The following NXPH2 variants were observed in gnomAD, a reference collection of about 807,000 sequenced individuals.
NXPH2 encodes the protein neurexophilin 2, also known as neurexophilin-2.
Under a neutral mutation model 19.8 loss-of-function variants are expected in NXPH2, and 5 were observed. The ratio of observed to expected loss-of-function variants is 0.25; its 90% CI spans 0.13 to 0.53. NXPH2 has a LOEUF of 0.53. Among genes scored for constraint, NXPH2 ranks in the 20% least tolerant of loss-of-function variants. The probability of loss-of-function intolerance (pLI) is 0.96; values close to 1 mark genes in which losing one functional copy is unlikely to be tolerated. For missense variants in NXPH2, 289 were observed against 322.8 expected (o/e 0.90, Z 0.80); for synonymous variants, 154 against 127.4 (o/e 1.21, Z -1.41).
At chr2:138,727,071 A>G (rs932684056) in intron 1 of NXPH2, among the ~76,000 whole-genome samples, 5 of 152,264 alleles carry the variant, frequency 3.3e-5, no homozygotes, top group Admixed American at 6.5e-5. Context: ...ACTTAGTAAT[A>G]TGCATTTAAG....
chr2:138,702,059 T>C (rs981748460), intron 1 of NXPH2, among the ~76,000 whole-genome samples: 7 of 152,144 alleles, frequency 4.6e-5, no homozygotes, highest in Admixed American at 2.6e-4. Flanking sequence ...AGAGACTGTT[T>C]CTTTTTATTT....
chr2:138,743,600 A>G (rs909146362), intron 1 of NXPH2, among the ~76,000 whole-genome samples: 1 of 152,194 alleles, frequency 6.6e-6, no homozygotes, highest in Admixed American at 6.5e-5. Flanking sequence ...AAGACTAGAT[A>G]GCAGTGATGA....
intron 1 of NXPH2, among the ~76,000 whole-genome samples, chr2:138,713,167 C>T (rs905981733): frequency 6.6e-6 from 1 of 152,194 alleles, no homozygotes; most frequent in Non-Finnish European, 1.5e-5. Flanking sequence ...ATCTACTTCC[C>T]CACTGCCGAT....
chr2:138,690,930 G>A (rs1329362158), intron 1 of NXPH2, among the ~76,000 whole-genome samples: 3 of 152,222 alleles, frequency 2.0e-5, no homozygotes, highest in Non-Finnish European at 4.4e-5. Flanking sequence ...TTTAGATTGG[G>A]TGGCCAAAGA....
chr2:138,730,331 AT>A (rs1681428331), intron 1 of NXPH2, among the ~76,000 whole-genome samples: 1 of 151,956 alleles, frequency 6.6e-6, no homozygotes, highest in Non-Finnish European at 1.5e-5. Context: ...AGTAATTGGG[AT>A]TACAGGTGTA....
At chr2:138,691,111 G>C (rs1680738741) in intron 1 of NXPH2, among the ~76,000 whole-genome samples, 1 of 152,198 alleles carries the variant, frequency 6.6e-6, no homozygotes, top group South Asian at 2.1e-4. Flanking sequence ...TGGAGAAAGG[G>C]CACAAGGTGA....
intron 1 of NXPH2, among the ~76,000 whole-genome samples, chr2:138,758,262 T>C (rs1681946409): frequency 6.6e-6 from 1 of 152,090 alleles, no homozygotes. Flanking sequence ...TACTATTAAA[T>C]AGTATTACTG....
intron 1 of NXPH2, among the ~76,000 whole-genome samples, chr2:138,767,879 C>T (rs1380648680): frequency 6.6e-6 from 1 of 151,946 alleles, no homozygotes; most frequent in Non-Finnish European, 1.5e-5. Flanking sequence ...CTCTGTGTCT[C>T]TTCACACTTC....
At chr2:138,737,809 G>C (rs1166553550) in intron 1 of NXPH2, among the ~76,000 whole-genome samples, 1 of 152,086 alleles carries the variant, frequency 6.6e-6, no homozygotes, top group African/African-American at 2.4e-5. Context: ...ATTACATAGT[G>C]TGCCATCCTT....
rs947019783 is a variant in NXPH2, at chr2:138,704,834, T to C, written c.52-33169A>G. On this transcript the variant is annotated intron_variant, in intron 1 of 1. Coordinates refer to ENST00000272641, the MANE Select transcript of NXPH2 (RefSeq NM_007226.3). ...ACCACGCCCAGCTAATTTTTTTTTTTTTTTTTTGAGATGGAGTTTCATTCT... is the reference window on the plus strand; with the variant it reads ...ACCACGCCCAGCTAATTTTTTTTTTCTTTTTTTGAGATGGAGTTTCATTCT... Among the ~76,000 whole-genome samples, 21 of 151,882 alleles carry C rather than the reference T, an allele frequency of 1.4e-4. 1 individual carries two copies. In the East Asian group the frequency reaches 2.7e-3, roughly 20 times the overall value.
intron 1 of NXPH2, among the ~76,000 whole-genome samples, chr2:138,753,915 C>T (rs1226938316): frequency 6.6e-6 from 1 of 152,110 alleles, no homozygotes; most frequent in Non-Finnish European, 1.5e-5. Context: ...TTTACAGACT[C>T]CACTCATCAT....
In NXPH2 at chr2:138,669,498, T is replaced by C. The variant is rs1469342782; in HGVS notation, c.*1424A>G. On this transcript the variant is annotated 3_prime_UTR_variant, in exon 2 of 2. Transcript: ENST00000272641. ...GAAATGAAGATAGAGAACAGAGCTC[T>C]TGGTTTTTTGAACAGTGTGGTAAGA... Among the ~76,000 whole-genome samples the C allele has an allele frequency of 6.6e-6, 1 of 152,170 alleles. No individual in the cohort carries two copies. The highest frequency in any genetic ancestry group is 1.5e-5 in the Non-Finnish European group (1 of 68,010).
chr2:138,707,967 G>T (rs1000330361), intron 1 of NXPH2, among the ~76,000 whole-genome samples: 4 of 152,084 alleles, frequency 2.6e-5, no homozygotes, highest in African/African-American at 9.7e-5. Context: ...CAGTCAAGCT[G>T]ATTACTACAG....
chr2:138,742,005 A>G (rs1360974456), intron 1 of NXPH2, among the ~76,000 whole-genome samples: 1 of 152,232 alleles, frequency 6.6e-6, no homozygotes, highest in Non-Finnish European at 1.5e-5. Context: ...TGCAAAGTCA[A>G]TTCCATGCCA....
intron 1 of NXPH2, among the ~76,000 whole-genome samples, chr2:138,735,477 A>G (rs1000010733): frequency 6.6e-6 from 1 of 152,174 alleles, no homozygotes; most frequent in African/African-American, 2.4e-5. Context: ...CATGAGACTT[A>G]TTCACTATCA....
intron 1 of NXPH2, among the ~76,000 whole-genome samples, chr2:138,681,756 C>A (rs566971358): frequency 4.6e-5 from 7 of 152,138 alleles, no homozygotes; most frequent in Admixed American, 6.5e-5. Flanking sequence ...GCTGGCTTTT[C>A]GGTCTTGGAT....
chr2:138,709,480 T>TC (rs1312204053), intron 1 of NXPH2, among the ~76,000 whole-genome samples: 3 of 151,398 alleles, frequency 2.0e-5, no homozygotes, highest in East Asian at 1.9e-4. Context: ...TTACCACCTT[T>TC]CCCCCCACCA....
chr2:138,769,622 AGTTTTTT>A (rs1682145242), intron 1 of NXPH2, among the ~76,000 whole-genome samples: 8 of 152,158 alleles, frequency 5.3e-5, no homozygotes, highest in Admixed American at 4.6e-4. Flanking sequence ...AGGACACTGA[AGTTTTTT>A]CCCCATGTGC....
chr2:138,677,795 C>T (rs1292489175), intron 1 of NXPH2, among the ~76,000 whole-genome samples: 1 of 152,258 alleles, frequency 6.6e-6, no homozygotes, highest in East Asian at 1.9e-4. Context: ...AAACTGTATT[C>T]GCTATATATT....
Sources: allele counts gnomAD v4.1 joint callset (sites outside exome capture counted in the v4.1 genomes callset), GRCh38; gene constraint gnomAD v4.1.1; transcripts MANE v1.5; gene names NCBI Gene and HGNC (gene_info 2026-07-23, HGNC 2026-07-21).